Variants in RAF1 observed in about 807,000 individuals in gnomAD.
RAF1 encodes RAF proto-oncogene serine/threonine-protein kinase.
Under a neutral mutation model 81.1 loss-of-function variants are expected in RAF1, and 27 were observed. That is an observed-to-expected ratio of 0.33 (90% CI 0.25 to 0.46). The LOEUF (loss-of-function observed/expected upper bound fraction) is 0.46, where lower values mean the gene tolerates loss of function less well. RAF1 is among the 20% of genes least tolerant of loss of function. The pLI, the probability that RAF1 is intolerant of heterozygous loss-of-function variation, is 1.00. For synonymous variants in RAF1, 298 were observed against 294.0 expected (o/e 1.01, Z -0.14); for missense variants, 598 against 826.0 (o/e 0.72, Z 3.38).
At chr3:12,592,082 C>T in intron 11 of RAF1, 1 of 446,240 alleles carries the variant, frequency 2.2e-6, no homozygotes. Flanking sequence ...ATTCAAATGA[C>T]TCAAAAAAGT....
intron 3 of RAF1, among the ~76,000 whole-genome samples, chr3:12,610,317 T>A (rs17037004): frequency 0.034 from 5,223 of 152,276 alleles, 315 homozygotes; most frequent in African/African-American, 0.12. Context: ...TTCCTTAATA[T>A]AATTACCTAT....
At chr3:12,646,498 T>C (rs1296910275) in intron 1 of RAF1, among the ~76,000 whole-genome samples, 1 of 151,928 alleles carries the variant, frequency 6.6e-6, no homozygotes, top group African/African-American at 2.4e-5. Flanking sequence ...CTCATCCTCC[T>C]GAGTGGCTGG....
chr3:12,657,376 C>G (rs1167091872), intron 1 of RAF1, among the ~76,000 whole-genome samples: 1 of 152,138 alleles, frequency 6.6e-6, no homozygotes, highest in Admixed American at 6.6e-5. Flanking sequence ...CAAAGGAGAA[C>G]GTAGAATAAC....
chr3:12,630,266 C>G (rs1430100934), intron 1 of RAF1, among the ~76,000 whole-genome samples: 3 of 152,104 alleles, frequency 2.0e-5, no homozygotes, highest in African/African-American at 7.2e-5. Context: ...TATGGCCTGG[C>G]CTTTCACCAA....
At chr3:12,633,289 T>C (rs1203982237) in intron 1 of RAF1, among the ~76,000 whole-genome samples, 1 of 151,842 alleles carries the variant, frequency 6.6e-6, no homozygotes, top group African/African-American at 2.4e-5. Flanking sequence ...AAGACCAGCC[T>C]GGACAACACA....
intron 11 of RAF1, among the ~76,000 whole-genome samples, chr3:12,592,991 C>A (rs989205368): frequency 2.6e-5 from 4 of 151,752 alleles, no homozygotes; most frequent in Non-Finnish European, 4.4e-5. Context: ...CCTCCCACCT[C>A]GGCCTCCCAA....
At position 12,608,943 on chromosome 3, in the gene RAF1, G is replaced by A. The variant is rs767038168; in HGVS notation, c.424-20C>T. The A allele has an allele frequency of 6.2e-7, 1 of 1,613,854 alleles. No homozygotes were observed. The highest frequency in any genetic ancestry group is 1.6e-4 in the Middle Eastern group (1 of 6,062). On this transcript the variant is annotated intron_variant, in intron 4 of 17. Transcript: ENST00000442415. ...CCGAGCCTACAACAAGAACACAGGT[G>A]TAAATTATGCTGAATAAATAAAAGA...
intron 6 of RAF1, among the ~76,000 whole-genome samples, chr3:12,604,655 G>A (rs1320786202): frequency 1.3e-5 from 2 of 152,116 alleles, no homozygotes; most frequent in Admixed American, 6.6e-5. Context: ...GTTGGAACAC[G>A]CCCAGTTTAG....
At chr3:12,650,174 A>T (rs1575669025) in intron 1 of RAF1, among the ~76,000 whole-genome samples, 1 of 144,680 alleles carries the variant, frequency 6.9e-6, no homozygotes, top group Non-Finnish European at 1.5e-5. Flanking sequence ...AAAAAAAAAA[A>T]TTTAATCAGG....
At chr3:12,644,966 G>A (rs2060299075) in intron 1 of RAF1, among the ~76,000 whole-genome samples, 1 of 151,824 alleles carries the variant, frequency 6.6e-6, no homozygotes, top group African/African-American at 2.4e-5. Flanking sequence ...GGGCATGGTG[G>A]CACGTGCCTG....
At chr3:12,621,250 C>G (rs567508710) in intron 1 of RAF1, among the ~76,000 whole-genome samples, 1 of 152,276 alleles carries the variant, frequency 6.6e-6, no homozygotes, top group East Asian at 1.9e-4. Flanking sequence ...AACTGGGATT[C>G]TGAACTGGGC....
intron 1 of RAF1, among the ~76,000 whole-genome samples, chr3:12,650,959 G>A (rs907967565): frequency 1.3e-5 from 2 of 152,194 alleles, no homozygotes; most frequent in Non-Finnish European, 2.9e-5. Context: ...GACTAACGCA[G>A]AGGTAAAACA....
intron 1 of RAF1, among the ~76,000 whole-genome samples, chr3:12,642,310 C>CA (rs199798459): frequency 1.4e-5 from 2 of 147,724 alleles, no homozygotes; most frequent in Non-Finnish European, 3.0e-5. Flanking sequence ...AAAAAAACCC[C>CA]AAAAAACAAA....
chr3:12,588,751 G>T (rs905952306), intron 13 of RAF1: 1 of 152,190 alleles, frequency 6.6e-6, no homozygotes. Flanking sequence ...GTGGGTGGGA[G>T]GTATTGGGTA....
chr3:12,662,920 G>A (rs1042859451), intron 1 of RAF1, among the ~76,000 whole-genome samples: 4 of 152,066 alleles, frequency 2.6e-5, no homozygotes, highest in African/African-American at 4.8e-5. Flanking sequence ...CAGGCAAGCA[G>A]AAACGCTCAA....
At chr3:12,650,845 T>C (rs1374964251) in intron 1 of RAF1, among the ~76,000 whole-genome samples, 1 of 152,242 alleles carries the variant, frequency 6.6e-6, no homozygotes, top group African/African-American at 2.4e-5. Flanking sequence ...AAACATACTA[T>C]AAGAATCTGA....
chr3:12,604,373 G>A (rs1244019436), intron 6 of RAF1, 84 bp from the exon 7 acceptor site: 1 of 1,419,070 alleles, frequency 7.0e-7, no homozygotes, highest in East Asian at 2.4e-5. Context: ...GACTAAGTAA[G>A]ATGCTTAAGG....
chr3:12,603,723 G>A (rs1310335616), intron 7 of RAF1, among the ~76,000 whole-genome samples: 1 of 152,126 alleles, frequency 6.6e-6, no homozygotes, highest in Non-Finnish European at 1.5e-5. Flanking sequence ...CCAAACACCT[G>A]CTTATTAAAG....
chr3:12,648,934 G>C (rs1175490465), intron 1 of RAF1, among the ~76,000 whole-genome samples: 1 of 152,108 alleles, frequency 6.6e-6, no homozygotes, highest in Non-Finnish European at 1.5e-5. Context: ...GACCAACATG[G>C]AGAAACCCAG....
Sources: gnomAD v4.1 joint callset for allele counts (sites outside exome capture counted in the v4.1 genomes callset) on GRCh38, gnomAD v4.1.1 for gene constraint, MANE v1.5 for transcripts, NCBI Gene and HGNC (gene_info 2026-07-23, HGNC 2026-07-21) for gene names.